Variants in MED14 observed in about 807,000 individuals in gnomAD.
MED14 encodes the protein mediator of RNA polymerase II transcription subunit 14.
In MED14, 8 loss-of-function variants were observed where a neutral mutation model predicts 109.0. That is an observed-to-expected ratio of 0.07 (90% CI 0.04 to 0.13). The LOEUF is 0.13. MED14 is among the 10% of genes least tolerant of loss of function. The pLI is 1.00. For missense variants in MED14, 711 were observed against 1,142.4 expected (o/e 0.62, Z 5.44); for synonymous variants, 399 against 408.7 (o/e 0.98, Z 0.29).
intron 1 of MED14, among the ~76,000 whole-genome samples, chrX:40,731,849 T>C (rs1251384838): frequency 8.9e-6 from 1 of 112,597 alleles, no homozygotes; most frequent in Non-Finnish European, 1.9e-5. Flanking sequence ...TATTGATTTA[T>C]GACAATTCTA....
chrX:40,680,735 A>G (rs370693632), intron 20 of MED14, 23 bp downstream of exon 20: 2 of 1,169,957 alleles, frequency 1.7e-6, no homozygotes, highest in Non-Finnish European at 2.3e-6. Context: ...TCTTATTTTT[A>G]GACAGAAAAT....
At chrX:40,702,832 T>C (rs761664458) in intron 11 of MED14, among the ~76,000 whole-genome samples, 1 of 112,069 alleles carries the variant, frequency 8.9e-6, no homozygotes, top group African/African-American at 3.2e-5. Flanking sequence ...AAGCCCTTTA[T>C]TTTCAACCTT....
At position 40,651,783 on chromosome X, in the gene MED14, T is replaced by C. The variant is rs1928888348; in HGVS notation, c.*23A>G. On this transcript the variant is annotated 3_prime_UTR_variant, in exon 31 of 31. Coordinates refer to ENST00000324817, the MANE Select transcript of MED14 (RefSeq NM_004229.4). ...TTTTTGTTGTCTCATCTGTCAGCCT[T>C]CCTGGTTTAAAAACAATAGTGTCTA... is the stretch of plus-strand genomic sequence containing the variant. The C allele has an allele frequency of 8.6e-7, 1 of 1,167,185 alleles. No homozygotes were observed. Among genetic ancestry groups the C allele is most frequent in the East Asian group, 3.2e-5 (1 of 31,574 alleles).
chrX:40,681,217 G>A (rs1930100993), intron 19 of MED14, among the ~76,000 whole-genome samples: 1 of 111,793 alleles, frequency 8.9e-6, no homozygotes, highest in South Asian at 3.7e-4. Flanking sequence ...AACTGAAGAA[G>A]AGTCACACTT....
intron 23 of MED14, among the ~76,000 whole-genome samples, chrX:40,670,654 G>A (rs983248641): frequency 8.3e-4 from 91 of 110,288 alleles, no homozygotes; most frequent in Non-Finnish European, 1.6e-3. Flanking sequence ...CCAGCTACTC[G>A]GGAGGCTGAG....
intron 3 of MED14, among the ~76,000 whole-genome samples, chrX:40,717,450 C>G (rs1450156373): frequency 9.0e-6 from 1 of 111,434 alleles, no homozygotes; most frequent in Admixed American, 9.5e-5. Context: ...ACTAGTAGAG[C>G]TCATCACAGA....
In MED14 at chrX:40,649,669, G is replaced by A. The variant is rs1188433290; in HGVS notation, c.*2137C>T. On this transcript the variant is annotated 3_prime_UTR_variant, in exon 31 of 31. Transcript: ENST00000324817. ...ACTTGGGCATCCAGTCCCCTTGATC[G>A]AACCTGGGTAACAAAAGAGGCAAAA... The A allele has an allele frequency of 1.1e-6, 1 of 920,173 alleles. No individual in the cohort carries two copies. The highest frequency in any genetic ancestry group is 1.0e-4 in the East Asian group (1 of 10,021). The allele number at this position is 920,173 out of a possible 1,213,427, so 75.8% of individuals were successfully genotyped here. A position where few individuals can be genotyped will look rare whatever the true frequency, so the allele number is the denominator to read the frequency against.
At chrX:40,687,649 C>T (rs187010096) in intron 16 of MED14, among the ~76,000 whole-genome samples, 54 of 111,494 alleles carry the variant, frequency 4.8e-4, no homozygotes, top group African/African-American at 1.6e-3. Context: ...CTCTTCCCTC[C>T]AAGCCTTCAC....
intron 3 of MED14, among the ~76,000 whole-genome samples, chrX:40,725,017 G>A (rs1931848363): frequency 9.0e-6 from 1 of 111,675 alleles, no homozygotes; most frequent in African/African-American, 3.2e-5. Flanking sequence ...AGGATCATTA[G>A]TGGCTACTGT....
At chrX:40,666,995 A>G in intron 23 of MED14, 144 bp from the exon 24 acceptor site, 1 of 477,084 alleles carries the variant, frequency 2.1e-6, no homozygotes, top group East Asian at 4.0e-5. Context: ...AACTGGCACG[A>G]TTTCATTATT....
intron 2 of MED14, among the ~76,000 whole-genome samples, chrX:40,728,166 C>A (rs1462253630): frequency 8.9e-6 from 1 of 111,783 alleles, no homozygotes; most frequent in Non-Finnish European, 1.9e-5. Flanking sequence ...GCTCCTCTCA[C>A]AGAGCAAACA....
At chrX:40,713,114 A>G in intron 5 of MED14, 72 bp from the exon 6 acceptor site, 9 of 1,009,368 alleles carry the variant, frequency 8.9e-6, no homozygotes, top group Non-Finnish European at 1.2e-5. Context: ...CCTGACCTAG[A>G]ATTTTCAGTC....
In MED14 at chrX:40,689,570, A is replaced by C. The variant is rs1262069378; in HGVS notation, c.1981-1040T>G. 2.7e-5 allele frequency among the ~76,000 whole-genome samples: 3 copies of C among 110,423 alleles called. No individual in the cohort carries two copies. The Admixed American group carries it at 2.9e-4, about 11-fold the overall frequency. On this transcript the variant is annotated intron_variant, in intron 15 of 30. Transcript: ENST00000324817. ...GCTGGGTGTGGTGGTGTATGCCTGT[A>C]ATCTCAGCTACTTGGGAGGCTGAGG...
At chrX:40,694,434 C>T (rs1198084139) in intron 13 of MED14, among the ~76,000 whole-genome samples, 2 of 111,441 alleles carry the variant, frequency 1.8e-5, no homozygotes, top group Admixed American at 1.9e-4. Flanking sequence ...TCCTGACCAA[C>T]ACACATTCTT....
intron 10 of MED14, among the ~76,000 whole-genome samples, chrX:40,708,497 CA>C (rs745444708): frequency 1.8e-5 from 2 of 112,045 alleles, no homozygotes; most frequent in Non-Finnish European, 3.8e-5. Context: ...TCTGTGATGA[CA>C]AAAGGCAGCA....
chrX:40,732,256 C>T (rs761313064), intron 1 of MED14, among the ~76,000 whole-genome samples: 1 of 112,782 alleles, frequency 8.9e-6, no homozygotes, highest in South Asian at 3.6e-4. Flanking sequence ...CAGCGGCTCA[C>T]GCCTGTAATC....
At chrX:40,663,420 T>C (rs763802050) in intron 25 of MED14, among the ~76,000 whole-genome samples, 3 of 6,076 alleles carry the variant, frequency 4.9e-4, no homozygotes, top group Non-Finnish European at 8.5e-4. Context: ...ACCTGAAACC[T>C]GGCTGGCCTA....
intron 21 of MED14, among the ~76,000 whole-genome samples, chrX:40,675,893 A>C (rs1039489287): frequency 8.9e-6 from 1 of 112,073 alleles, no homozygotes; most frequent in Non-Finnish European, 1.9e-5. Context: ...AAGCTATCAG[A>C]GTTTGTGTTT....
Position 40,684,702 on chromosome X carries a change from T to C in MED14, c.2058-1706A>G, listed in dbSNP as rs374479870. Among the ~76,000 whole-genome samples the C allele has an allele frequency of 6.0e-4, 67 of 112,354 alleles. 2 individuals carry two copies. In the South Asian group the frequency reaches 0.022, roughly 38 times the overall value. Reference sequence around the variant, plus strand: ...GTTTGAAAATATAAATGCAGTACATTATCTTCCTTTCAAATAAAACAGGTT... The same window carrying C: ...GTTTGAAAATATAAATGCAGTACATCATCTTCCTTTCAAATAAAACAGGTT... On this transcript the variant is annotated intron_variant, in intron 16 of 30. Coordinates refer to ENST00000324817, the MANE Select transcript of MED14 (RefSeq NM_004229.4).
Sources: gnomAD v4.1 joint callset for allele counts (sites outside exome capture counted in the v4.1 genomes callset) on GRCh38, gnomAD v4.1.1 for gene constraint, MANE v1.5 for transcripts, NCBI Gene and HGNC (gene_info 2026-07-23, HGNC 2026-07-21) for gene names.